The following WDR37 variants were observed in gnomAD, a reference collection of about 807,000 sequenced individuals.
The protein encoded by WDR37 is WD repeat-containing protein 37.
A neutral mutation model predicts 62.9 loss-of-function variants in WDR37; 19 were observed. The observed-to-expected ratio is 0.30, with a 90% CI of 0.21 to 0.44. WDR37 has a LOEUF of 0.44. Among genes scored for constraint, WDR37 ranks in the 20% least tolerant of loss-of-function variants. WDR37 has a pLI of 1.00. For synonymous variants in WDR37, 250 were observed against 260.9 expected (o/e 0.96, Z 0.40); for missense variants, 474 against 657.6 (o/e 0.72, Z 3.05).
chr10:1,069,389 A>ATTTTTTTTTTTTTTTTTT lies in WDR37; in HGVS notation c.-40-2726_-40-2709dup, dbSNP rs377212232. Among the ~76,000 whole-genome samples, 121 of 95,768 alleles carry ATTTTTTTTTTTTTTTTTT rather than the reference A, an allele frequency of 1.3e-3. 3 individuals carry two copies. Among genetic ancestry groups the ATTTTTTTTTTTTTTTTTT allele is most frequent in the Non-Finnish European group, 1.6e-3 (82 of 52,576 alleles). The allele number at this position is 95,768 out of a possible 152,430, so 62.8% of individuals were successfully genotyped here. ...GGAAAGAATATATATATATATATAT[A>ATTTTTTTTTTTTTTTTTT]TTTTTTTTTTTTTTTTTTGCAGCAG... is the stretch of plus-strand genomic sequence containing the variant. On this transcript the variant is annotated intron_variant, in intron 1 of 13. Transcript: ENST00000263150.
chr10:1,095,386 G>A (rs1370038156), intron 8 of WDR37, among the ~76,000 whole-genome samples: 1 of 147,692 alleles, frequency 6.8e-6, no homozygotes, highest in Admixed American at 6.8e-5. Context: ...ATGGAGAGAG[G>A]AGAGTTAGAG....
At chr10:1,115,371 TATA>T (rs897400306) in intron 11 of WDR37, among the ~76,000 whole-genome samples, 4 of 152,220 alleles carry the variant, frequency 2.6e-5, no homozygotes, top group African/African-American at 9.6e-5. Context: ...GTTGAGAAAT[TATA>T]ATGATCACTT....
chr10:1,126,396 A>T (rs1157053614), intron 13 of WDR37, among the ~76,000 whole-genome samples: 1 of 131,694 alleles, frequency 7.6e-6, no homozygotes, highest in Middle Eastern at 4.2e-3. Context: ...ACAGAGCGAG[A>T]CTGTGTCTCA....
intron 1 of WDR37, among the ~76,000 whole-genome samples, chr10:1,070,138 A>T (rs933652611): frequency 6.7e-6 from 1 of 149,364 alleles, no homozygotes; most frequent in Non-Finnish European, 1.5e-5. Context: ...AACCTGGGGG[A>T]TGGAGGTTGC....
intron 8 of WDR37, 123 bp from the exon 9 acceptor site, chr10:1,096,047 C>G (rs1390246703): frequency 6.2e-6 from 5 of 809,382 alleles, no homozygotes; most frequent in Non-Finnish European, 1.0e-5. Flanking sequence ...AAGTACATTC[C>G]TCTCACTAAG....
chr10:1,062,901 T>C (rs1833417251), intron 1 of WDR37, among the ~76,000 whole-genome samples: 1 of 152,072 alleles, frequency 6.6e-6, no homozygotes, highest in Non-Finnish European at 1.5e-5. Context: ...CTCTGGTCAA[T>C]ATGGTGAAAC....
intron 10 of WDR37, among the ~76,000 whole-genome samples, chr10:1,104,476 G>A (rs767743641): frequency 1.2e-4 from 19 of 152,210 alleles, no homozygotes; most frequent in Non-Finnish European, 2.9e-5. Context: ...CAACTTCTGG[G>A]ACCCTTTTTA....
chr10:1,074,460 C>T, intron 2 of WDR37: 1 of 1,304,478 alleles, frequency 7.7e-7, no homozygotes, highest in South Asian at 1.2e-5. Context: ...AGACGGAGCT[C>T]ATTTGTTCAA....
chr10:1,129,678 T>TACAC lies in WDR37; in HGVS notation c.*334_*335insACAC. The TACAC allele has an allele frequency of 5.1e-6, 1 of 196,578 alleles. No homozygotes were observed. The highest frequency in any genetic ancestry group is 1.0e-5 in the Non-Finnish European group (1 of 95,388). The allele number at this position is 196,578 out of a possible 1,614,324, so 12.2% of individuals were successfully genotyped here. ...ACATTTGTGTGAATTAAATGTGAACTTCTGTATTACGTTGCGGCGTCGGCA... is the reference window on the plus strand; with the variant it reads ...ACATTTGTGTGAATTAAATGTGAACTACACTCTGTATTACGTTGCGGCGTCGGCA... On this transcript the variant is annotated 3_prime_UTR_variant, in exon 14 of 14. Transcript: ENST00000263150.
intron 6 of WDR37, among the ~76,000 whole-genome samples, 168 bp downstream of exon 6, chr10:1,084,706 C>A (rs1486163695): frequency 6.6e-6 from 1 of 152,220 alleles, no homozygotes; most frequent in African/African-American, 2.4e-5. Flanking sequence ...AGTGTTGTGG[C>A]CTGAAGTCCT....
chr10:1,105,330 A>T lies in WDR37; in HGVS notation c.1103+63A>T. 6.5e-7 allele frequency: 1 copy of T among 1,547,828 alleles called. No individual in the cohort carries two copies. The highest frequency in any genetic ancestry group is 8.8e-7 in the Non-Finnish European group (1 of 1,136,890). On this transcript the variant is annotated intron_variant, in intron 11 of 13. Transcript: ENST00000263150. This position sits in a 1 kb window ranked among gnomAD's most constrained non-coding sequence, Gnocchi z 5.3. ...GAAAAAGTTCTGTGGGTTGACATGA[A>T]AACTTAATTCTAGCCTTAATTTTCA...
At chr10:1,111,748 C>T (rs1282152980) in intron 11 of WDR37, among the ~76,000 whole-genome samples, 1 of 152,104 alleles carries the variant, frequency 6.6e-6, no homozygotes, top group Non-Finnish European at 1.5e-5. Context: ...AGTGACCCAG[C>T]GTGTACTGAT....
chr10:1,082,303 C>A (rs1355766706), intron 5 of WDR37, among the ~76,000 whole-genome samples: 1 of 152,180 alleles, frequency 6.6e-6, no homozygotes, highest in Admixed American at 6.5e-5. Flanking sequence ...ATAGCGGGAA[C>A]ACAAAAGTGT....
chr10:1,089,024 T>C (rs936120629), intron 7 of WDR37, among the ~76,000 whole-genome samples: 11 of 152,160 alleles, frequency 7.2e-5, no homozygotes, highest in African/African-American at 2.7e-4. Context: ...GCCGGTGGGT[T>C]TCAGGCTTTA....
intron 2 of WDR37, among the ~76,000 whole-genome samples, chr10:1,075,172 G>T (rs1012850395): frequency 6.6e-6 from 1 of 152,078 alleles, no homozygotes; most frequent in African/African-American, 2.4e-5. Context: ...GGCTCAAGTT[G>T]CCCTCTAGTG....
At chr10:1,096,432 T>C (rs1834579425) in intron 9 of WDR37, 186 bp downstream of exon 9, 2 of 626,190 alleles carry the variant, frequency 3.2e-6, no homozygotes, top group East Asian at 2.8e-5. Flanking sequence ...TTCAGTGAGG[T>C]TGCGTGAGGT....
At chr10:1,123,080 A>G (rs560215216) in intron 11 of WDR37, among the ~76,000 whole-genome samples, 10 of 152,134 alleles carry the variant, frequency 6.6e-5, no homozygotes, top group African/African-American at 2.4e-4. Flanking sequence ...TGGGTCTCCC[A>G]TCTTAGCCAT....
chr10:1,090,142 T>G (rs7075662), intron 7 of WDR37, among the ~76,000 whole-genome samples: 59,418 of 151,920 alleles, frequency 0.39, 11,913 homozygotes, highest in East Asian at 0.46. Context: ...AAATTTTGTA[T>G]TTTTTTAAAA....
rs1033622083 is a variant in WDR37 at position 1,127,703 on chromosome 10, G to A, written c.1354-1510G>A. On this transcript the variant is annotated intron_variant, in intron 13 of 13. Transcript: ENST00000263150. The stretch of plus-strand genomic sequence containing the variant: ...ATTGGGCGTGAGGGTCCCTGCGCAA[G>A]GGTCTCTGTGACGTGGAGGCTCACG... Among the ~76,000 whole-genome samples, 23 of 152,176 alleles carry A rather than the reference G, an allele frequency of 1.5e-4. 1 individual carries two copies. The highest frequency in any genetic ancestry group is 1.4e-3 in the Admixed American group (21 of 15,276).
Sources: allele counts gnomAD v4.1 joint callset (sites outside exome capture counted in the v4.1 genomes callset), GRCh38; gene constraint gnomAD v4.1.1; non-coding constraint Gnocchi (gnomAD v3.1); transcripts MANE v1.5; gene names NCBI Gene and HGNC (gene_info 2026-07-23, HGNC 2026-07-21).